FAM117A: variants seen among roughly 807,000 people sequenced by gnomAD.
FAM117A encodes the protein family with sequence similarity 117 member A, also known as protein FAM117A.
In FAM117A, 21 loss-of-function variants were observed where a neutral mutation model predicts 44.1. The observed-to-expected ratio is 0.48, with a 90% CI of 0.34 to 0.69. FAM117A has a LOEUF of 0.69. FAM117A is among the 30% of genes least tolerant of loss of function. The pLI is 0.01. For synonymous variants in FAM117A, 220 were observed against 238.3 expected, an observed-to-expected ratio of 0.92 and a Z score of 0.71; for missense variants, 498 against 589.9, an observed-to-expected ratio of 0.84 and a Z score of 1.61.
chr17:49,727,765 C>T (rs2073566581), intron 2 of FAM117A, among the ~76,000 whole-genome samples: 1 of 152,246 alleles, frequency 6.6e-6, no homozygotes, highest in African/African-American at 2.4e-5. Flanking sequence ...TCTACCTAGA[C>T]TCCATGACCA....
At chr17:49,776,692 G>A (rs2073776400) in intron 1 of FAM117A, among the ~76,000 whole-genome samples, 1 of 152,160 alleles carries the variant, frequency 6.6e-6, no homozygotes, top group Admixed American at 6.5e-5. Context: ...TTTCCATGAA[G>A]GAGAAACCAG....
At chr17:49,784,001 C>T (rs2073797903) in intron 1 of FAM117A, among the ~76,000 whole-genome samples, 1 of 152,208 alleles carries the variant, frequency 6.6e-6, no homozygotes, top group African/African-American at 2.4e-5. Context: ...TTTGGTGCCA[C>T]CCCAATTACT....
intron 1 of FAM117A, among the ~76,000 whole-genome samples, chr17:49,744,727 C>A (rs2073647857): frequency 6.6e-6 from 1 of 151,420 alleles, no homozygotes; most frequent in Non-Finnish European, 1.5e-5. Flanking sequence ...AATGACAAGA[C>A]AAGAAACCAG....
At chr17:49,788,717 A>G, upstream of FAM117A, 3 of 1,134,804 alleles carry the variant, frequency 2.6e-6, no homozygotes, top group African/African-American at 1.6e-5. Flanking sequence ...AGGAGGCACT[A>G]GGGATCGTCC....
At chr17:49,766,979 A>G (rs570732827), upstream of FAM117A, among the ~76,000 whole-genome samples, 3 of 152,314 alleles carry the variant, frequency 2.0e-5, no homozygotes, top group South Asian at 6.2e-4. Context: ...TGGTATAGCT[A>G]AAGAAATGGA....
At chr17:49,788,088 C>T (rs1354827349) in intron 1 of FAM117A, among the ~76,000 whole-genome samples, 2 of 152,180 alleles carry the variant, frequency 1.3e-5, no homozygotes, top group African/African-American at 2.4e-5. Flanking sequence ...TTTGCCTCCT[C>T]CCCGCGACAT....
At chr17:49,722,377 A>C in intron 3 of FAM117A, 122 bp downstream of exon 3, 1 of 781,726 alleles carries the variant, frequency 1.3e-6, no homozygotes, top group East Asian at 2.8e-5. Context: ...CATCAGGAAA[A>C]GGCCAGGTCA....
intron 6 of FAM117A, among the ~76,000 whole-genome samples, chr17:49,716,631 C>CTCT (rs2073504913): frequency 6.6e-6 from 1 of 152,146 alleles, no homozygotes; most frequent in African/African-American, 2.4e-5. Flanking sequence ...CTAACTGTGT[C>CTCT]TCTCTCTGCC....
chr17:49,760,949 C>G (rs2073720328), intron 1 of FAM117A, among the ~76,000 whole-genome samples: 1 of 152,206 alleles, frequency 6.6e-6, no homozygotes, highest in Non-Finnish European at 1.5e-5. Flanking sequence ...CTTCAGCCTT[C>G]CTCACTCCTA....
Position 49,770,300 on chromosome 17 carries a change from A to T in FAM117A, c.-621+18197T>A, listed in dbSNP as rs115166338. Among the ~76,000 whole-genome samples, 896 of 149,690 alleles carry T rather than the reference A, an allele frequency of 6.0e-3. 10 individuals are homozygous for T. The highest frequency in any genetic ancestry group is 0.021 in the African/African-American group (861 of 40,888). The stretch of plus-strand genomic sequence containing the variant: ...AAAAAAAAAAAAAAAAAGGATTTAG[A>T]TGGAGTACTTTTCAGCAACAAAAAG... On this transcript the variant is annotated intron_variant, in intron 1 of 7. Coordinates refer to the FAM117A transcript ENST00000513602.
At chr17:49,742,879 A>G (rs1249865907) in intron 1 of FAM117A, among the ~76,000 whole-genome samples, 1 of 152,150 alleles carries the variant, frequency 6.6e-6, no homozygotes, top group Non-Finnish European at 1.5e-5. Context: ...AAGACAAAAA[A>G]TCCTACAAGA....
chr17:49,782,461 G>A (rs777488066), intron 1 of FAM117A, among the ~76,000 whole-genome samples: 10 of 151,262 alleles, frequency 6.6e-5, no homozygotes, highest in African/African-American at 1.7e-4. Flanking sequence ...AGGCCAAAGC[G>A]GGTAGATCAC....
intron 1 of FAM117A, among the ~76,000 whole-genome samples, chr17:49,781,100 G>A (rs767042945): frequency 2.1e-4 from 32 of 152,262 alleles, no homozygotes; most frequent in Non-Finnish European, 3.4e-4. Context: ...ACAGGCGTGA[G>A]CCACCATGCC....
Position 49,737,725 on chromosome 17 carries a change from T to G in FAM117A, c.197-5005A>C, listed in dbSNP as rs567370625. Among the ~76,000 whole-genome samples, 6 of 152,310 alleles carry G rather than the reference T, an allele frequency of 3.9e-5. No homozygotes were observed. In the South Asian group the frequency reaches 1.0e-3, roughly 26 times the overall value. On this transcript the variant is annotated intron_variant, in intron 1 of 7. Transcript: ENST00000240364. The stretch of plus-strand genomic sequence containing the variant: ...ACTTTGGTGTGCTGTAATCTTTTAC[T>G]CTCCTGTCAGCTGTAAAAGGGGATA...
At position 49,764,041 on chromosome 17, in the gene FAM117A, G is replaced by T. The variant is rs773300848; in HGVS notation, c.47C>A (p.Pro16Gln). 5 of 557,422 alleles carry T rather than the reference G, an allele frequency of 9.0e-6. No individual in the cohort carries two copies. In the East Asian group the frequency reaches 2.9e-4, roughly 33 times the overall value. 34.5% of individuals were successfully genotyped at this position (557,422 alleles called of 1,614,324 possible). A position where few individuals can be genotyped will look rare whatever the true frequency, so the allele number is the denominator to read the frequency against. ...GAGCCCCCCGGCCCCTCCGCGCCCC[G>T]GCCCCCAGGCACCTCCGCCTCTGCC... is the stretch of plus-strand genomic sequence containing the variant. ...AGGRGGGAWGPGRGGAGGLRR... is the reference protein window; with the variant it reads ...AGGRGGGAWGQGRGGAGGLRR... The change falls in exon 1 of 8, where the codon CCG becomes CAG. Residue 16 changes from proline (P) to glutamine (Q), a missense_variant. This residue lies in a region of FAM117A where 270 missense variants were observed against 277.4 expected (regional missense o/e 0.97). Coordinates refer to ENST00000240364, the MANE Select transcript of FAM117A (RefSeq NM_030802.4).
At chr17:49,739,387 G>C (rs1010628373) in intron 1 of FAM117A, among the ~76,000 whole-genome samples, 1 of 152,136 alleles carries the variant, frequency 6.6e-6, no homozygotes, top group Non-Finnish European at 1.5e-5. Flanking sequence ...CCAGGAATAA[G>C]TGATGCAGGG....
At chr17:49,774,628 G>T (rs992951591) in intron 1 of FAM117A, among the ~76,000 whole-genome samples, 1 of 152,210 alleles carries the variant, frequency 6.6e-6, no homozygotes, top group Non-Finnish European at 1.5e-5. Flanking sequence ...AAAGTGCTGG[G>T]ATTACAGGCG....
chr17:49,736,100 A>T (rs1287145748), intron 1 of FAM117A, among the ~76,000 whole-genome samples: 1 of 152,156 alleles, frequency 6.6e-6, no homozygotes, highest in Non-Finnish European at 1.5e-5. Flanking sequence ...GTGTGTGTAT[A>T]TATACGCTTT....
chr17:49,726,032 C>T (rs577789837), intron 2 of FAM117A, among the ~76,000 whole-genome samples: 164 of 152,222 alleles, frequency 1.1e-3, no homozygotes, highest in African/African-American at 3.8e-3. Context: ...GAGAATGGCC[C>T]TACCAACACC....
Sources: allele counts gnomAD v4.1 joint callset (sites outside exome capture counted in the v4.1 genomes callset), GRCh38; gene constraint gnomAD v4.1.1; regional missense constraint gnomAD v4.1.1; transcripts MANE v1.5; gene names NCBI Gene and HGNC (gene_info 2026-07-23, HGNC 2026-07-21).